The following ZC2HC1A variants were observed in gnomAD, a reference collection of about 807,000 sequenced individuals.
The protein encoded by ZC2HC1A is zinc finger C2HC-type containing 1A, also known as zinc finger C2HC domain-containing protein 1A.
A neutral mutation model predicts 40.7 loss-of-function variants in ZC2HC1A; 28 were observed. The ratio of observed to expected loss-of-function variants is 0.69; its 90% CI spans 0.51 to 0.94. The LOEUF is 0.94. Among genes scored for constraint, ZC2HC1A ranks in the 40% least tolerant of loss-of-function variants. ZC2HC1A has a pLI of 0.00. For synonymous variants in ZC2HC1A, 129 were observed against 129.2 expected (o/e 1.00, Z 0.01); for missense variants, 389 against 386.3 (o/e 1.01, Z -0.06).
chr8:78,670,811 G>A (rs916199207), intron 1 of ZC2HC1A, among the ~76,000 whole-genome samples: 2 of 152,124 alleles, frequency 1.3e-5, no homozygotes, highest in African/African-American at 4.8e-5. Flanking sequence ...CTAAAATGCT[G>A]TGAAGGATGA....
At chr8:78,677,615 T>G (rs1235921840) in intron 2 of ZC2HC1A, among the ~76,000 whole-genome samples, 3 of 152,152 alleles carry the variant, frequency 2.0e-5, no homozygotes, top group African/African-American at 7.2e-5. Context: ...TATTTTCTTT[T>G]TCTAGTATCT....
At chr8:78,689,119 T>A in intron 4 of ZC2HC1A, 103 bp from the exon 5 acceptor site, 1 of 830,800 alleles carries the variant, frequency 1.2e-6, no homozygotes, top group Non-Finnish European at 1.7e-6. Context: ...TTATCAGATG[T>A]TATTACTTAT....
chr8:78,699,254 T>C (rs191283853), intron 7 of ZC2HC1A, among the ~76,000 whole-genome samples: 2 of 152,252 alleles, frequency 1.3e-5, no homozygotes, highest in Admixed American at 1.3e-4. Flanking sequence ...TAATGAAGTA[T>C]ATAATTAAAC....
intron 4 of ZC2HC1A, 39 bp downstream of exon 4, chr8:78,686,647 A>T (rs748205098): frequency 7.0e-7 from 1 of 1,423,334 alleles, no homozygotes; most frequent in Non-Finnish European, 9.2e-7. Flanking sequence ...TCATGTGGAA[A>T]GAAAATAATG....
intron 7 of ZC2HC1A, among the ~76,000 whole-genome samples, chr8:78,698,765 G>A (rs1810511970): frequency 6.6e-6 from 1 of 152,102 alleles, no homozygotes; most frequent in African/African-American, 2.4e-5. Context: ...TGGGAATTTA[G>A]TCTAAGGAAA....
chr8:78,699,288 G>GT (rs1250425628), intron 7 of ZC2HC1A, among the ~76,000 whole-genome samples: 1 of 151,968 alleles, frequency 6.6e-6, no homozygotes, highest in African/African-American at 2.4e-5. Context: ...GGGAAAAATT[G>GT]TAACAGTGGA....
chr8:78,687,580 A>T (rs1029891937), intron 4 of ZC2HC1A, among the ~76,000 whole-genome samples: 2 of 142,554 alleles, frequency 1.4e-5, no homozygotes, highest in African/African-American at 5.1e-5. Flanking sequence ...ATATATATTT[A>T]CGTAATAAAT....
intron 1 of ZC2HC1A, among the ~76,000 whole-genome samples, chr8:78,669,817 G>A (rs1267902728): frequency 1.3e-5 from 2 of 151,780 alleles, no homozygotes; most frequent in African/African-American, 2.4e-5. Context: ...TTTTTTCCCT[G>A]TTAGATCAGT....
intron 6 of ZC2HC1A, 72 bp downstream of exon 6, chr8:78,697,578 G>A: frequency 9.2e-7 from 1 of 1,092,182 alleles, no homozygotes; most frequent in South Asian, 1.4e-5. Context: ...AAAGATAGTG[G>A]TCTATTCTGG....
At chr8:78,670,827 G>A (rs1006302945) in intron 1 of ZC2HC1A, among the ~76,000 whole-genome samples, 1 of 152,176 alleles carries the variant, frequency 6.6e-6, no homozygotes, top group African/African-American at 2.4e-5. Context: ...GATGAAGGTT[G>A]TGTGTTGAGT....
chr8:78,707,886 T>C (rs1376446967), intron 7 of ZC2HC1A, among the ~76,000 whole-genome samples: 1 of 151,302 alleles, frequency 6.6e-6, no homozygotes, highest in Admixed American at 6.6e-5. Flanking sequence ...AGTGAAGTAA[T>C]GATTTGTTTC....
At chr8:78,681,197 G>T (rs2130457535) in intron 3 of ZC2HC1A, among the ~76,000 whole-genome samples, 1 of 152,126 alleles carries the variant, frequency 6.6e-6, no homozygotes, top group Admixed American at 6.5e-5. Context: ...CTGCTAGTTT[G>T]TATAGCTACC....
intron 7 of ZC2HC1A, among the ~76,000 whole-genome samples, chr8:78,703,432 A>G (rs930001855): frequency 2.0e-5 from 3 of 152,080 alleles, no homozygotes; most frequent in African/African-American, 7.2e-5. Context: ...GGTCTCTAAG[A>G]ACTTGGTTTA....
intron 5 of ZC2HC1A, among the ~76,000 whole-genome samples, chr8:78,692,848 A>T (rs918306112): frequency 6.6e-6 from 1 of 152,098 alleles, no homozygotes; most frequent in Admixed American, 6.6e-5. Context: ...CGTCATTTAC[A>T]TGGAGTATAT....
At chr8:78,682,951 C>T (rs1809835996) in intron 3 of ZC2HC1A, among the ~76,000 whole-genome samples, 1 of 152,234 alleles carries the variant, frequency 6.6e-6, no homozygotes, top group African/African-American at 2.4e-5. Context: ...TCCATGAGGG[C>T]AGTCATTAAA....
At chr8:78,669,651 C>CT (rs1809386508) in intron 1 of ZC2HC1A, among the ~76,000 whole-genome samples, 1 of 152,102 alleles carries the variant, frequency 6.6e-6, no homozygotes, top group Admixed American at 6.5e-5. Context: ...CGTTACCTTC[C>CT]TTTTTAATGT....
chr8:78,705,818 G>A (rs1195057458), intron 7 of ZC2HC1A, among the ~76,000 whole-genome samples: 2 of 152,140 alleles, frequency 1.3e-5, no homozygotes, highest in Non-Finnish European at 2.9e-5. Context: ...TTCCAGTGAG[G>A]AGGGGCAATA....
At chr8:78,673,048 A>T (rs971561595) in intron 1 of ZC2HC1A, among the ~76,000 whole-genome samples, 1 of 151,980 alleles carries the variant, frequency 6.6e-6, no homozygotes, top group African/African-American at 2.4e-5. Context: ...TATTTGTCTT[A>T]ATGCTCTCCC....
chr8:78,677,354 TA>T (rs34753315), intron 2 of ZC2HC1A, among the ~76,000 whole-genome samples: 23,945 of 148,154 alleles, frequency 0.16, 2,055 homozygotes, highest in Middle Eastern at 0.3. Context: ...GACAACTCTT[TA>T]AAAAAAAAAA....
Sources: gnomAD v4.1 joint callset for allele counts (sites outside exome capture counted in the v4.1 genomes callset) on GRCh38, gnomAD v4.1.1 for gene constraint, MANE v1.5 for transcripts, NCBI Gene and HGNC (gene_info 2026-07-23, HGNC 2026-07-21) for gene names.